The following CTNNA3 variants were observed in gnomAD, a reference collection of about 807,000 sequenced individuals.
The protein encoded by CTNNA3 is catenin alpha 3, also known as catenin alpha-3.
Under a neutral mutation model 95.7 loss-of-function variants are expected in CTNNA3, and 76 were observed. The observed-to-expected ratio is 0.79, with a 90% CI of 0.66 to 0.96. The LOEUF is 0.96. Among genes scored for constraint, CTNNA3 ranks in the 40% least tolerant of loss-of-function variants. The pLI is 0.00. For missense variants in CTNNA3, 1,191 were observed against 1,089.8 expected (o/e 1.09, Z -1.31); for synonymous variants, 431 against 374.4 (o/e 1.15, Z -1.74).
chr10:66,967,489 T>C (rs1183759229), intron 7 of CTNNA3, among the ~76,000 whole-genome samples: 1 of 151,922 alleles, frequency 6.6e-6, no homozygotes, highest in Admixed American at 6.6e-5. Flanking sequence ...GTTAACTGCA[T>C]TGGAAAATGA....
chr10:67,589,751 G>T (rs2133343429), intron 3 of CTNNA3, among the ~76,000 whole-genome samples: 1 of 152,178 alleles, frequency 6.6e-6, no homozygotes, highest in Middle Eastern at 3.4e-3. Flanking sequence ...CTAAAACCTG[G>T]ATAACTGAGA....
chr10:67,738,005 G>A (rs1215774586), intron 1 of CTNNA3, among the ~76,000 whole-genome samples: 1 of 152,188 alleles, frequency 6.6e-6, no homozygotes, highest in Non-Finnish European at 1.5e-5. Flanking sequence ...AGTAGGAGCA[G>A]GCTGCTATCT....
chr10:67,754,339 C>T (rs767878210), intron 1 of CTNNA3, among the ~76,000 whole-genome samples: 1 of 152,084 alleles, frequency 6.6e-6, no homozygotes, highest in Non-Finnish European at 1.5e-5. Context: ...TCAGGATAAA[C>T]AGCTAATGCA....
chr10:66,522,152 C>T lies in CTNNA3; in HGVS notation c.1375-1379G>A, dbSNP rs188054622. Among the ~76,000 whole-genome samples, 30 of 152,176 alleles carry T rather than the reference C, an allele frequency of 2.0e-4. No homozygotes were observed. The East Asian group carries it at 5.6e-3, about 28-fold the overall frequency. On this transcript the variant is annotated intron_variant, in intron 10 of 17. Coordinates refer to ENST00000433211, the MANE Select transcript of CTNNA3 (RefSeq NM_013266.4). The stretch of plus-strand genomic sequence containing the variant: ...GGGCTGCTTCTGTGAGCTTCATCTT[C>T]AACATCATCTCATCTCTTGTTAAAA...
At chr10:67,692,221 C>G (rs938564758) in intron 1 of CTNNA3, among the ~76,000 whole-genome samples, 3 of 150,712 alleles carry the variant, frequency 2.0e-5, no homozygotes, top group Non-Finnish European at 4.4e-5. Context: ...GCCCGGCCAC[C>G]ACCCCGTCTG....
rs972650695 is a variant in CTNNA3, at chr10:66,418,967, A to G, written c.1532-39615T>C. On this transcript the variant is annotated intron_variant, in intron 11 of 17. Coordinates refer to ENST00000433211, the MANE Select transcript of CTNNA3 (RefSeq NM_013266.4). ...GGCCTTTTCTCTAAGAACTGGAACA[A>G]GACAAGGATATGTACTTCCACCATT... is the stretch of plus-strand genomic sequence containing the variant. Among the ~76,000 whole-genome samples, 9 of 152,272 alleles carry G rather than the reference A, an allele frequency of 5.9e-5. No homozygotes were observed. The South Asian group carries it at 1.9e-3, about 32-fold the overall frequency.
chr10:66,431,676 T>C (rs2093297081), intron 11 of CTNNA3, among the ~76,000 whole-genome samples: 1 of 144,800 alleles, frequency 6.9e-6, no homozygotes, highest in African/African-American at 2.6e-5. Flanking sequence ...ATTTTCTCAC[T>C]CACAGGTGGG....
intron 7 of CTNNA3, among the ~76,000 whole-genome samples, chr10:67,051,472 T>G (rs1273022416): frequency 1.3e-5 from 2 of 151,744 alleles, no homozygotes; most frequent in African/African-American, 4.8e-5. Flanking sequence ...TCTTTTTTTT[T>G]TTTTGGTGAC....
chr10:66,656,718 C>T (rs1352323955), intron 9 of CTNNA3, among the ~76,000 whole-genome samples: 4 of 152,020 alleles, frequency 2.6e-5, no homozygotes, highest in African/African-American at 9.7e-5. Context: ...ACAGATAAGA[C>T]ATAATGCTTT....
In CTNNA3 at chr10:66,679,071, T is replaced by A. The variant is rs181874001; in HGVS notation, c.1282-57287A>T. Among the ~76,000 whole-genome samples, 476 of 152,294 alleles carry A rather than the reference T, an allele frequency of 3.1e-3. 3 individuals carry two copies. The highest frequency in any genetic ancestry group is 5.1e-3 in the Non-Finnish European group (346 of 68,022). On this transcript the variant is annotated intron_variant, in intron 9 of 17. Transcript: ENST00000433211. ...TGGTCAATGTTTTGTTTTTAAAAGA[T>A]CACTCTAGCAGCATGATGTAGGATA... is the stretch of plus-strand genomic sequence containing the variant.
chr10:67,486,527 T>C (rs927577601), intron 5 of CTNNA3, among the ~76,000 whole-genome samples: 1 of 152,180 alleles, frequency 6.6e-6, no homozygotes, highest in South Asian at 2.1e-4. Context: ...TTCCCTACCA[T>C]ACTTTGGTAG....
chr10:67,461,731 C>T (rs1785218813), intron 5 of CTNNA3, among the ~76,000 whole-genome samples: 1 of 152,174 alleles, frequency 6.6e-6, no homozygotes, highest in South Asian at 2.1e-4. Flanking sequence ...AGTCAATTAA[C>T]CTCCAGGCTT....
At chr10:67,143,095 T>C (rs1860662154) in intron 7 of CTNNA3, among the ~76,000 whole-genome samples, 1 of 151,522 alleles carries the variant, frequency 6.6e-6, no homozygotes, top group Non-Finnish European at 1.5e-5. Context: ...TTTTTGAAAA[T>C]GAAACAACAA....
At chr10:67,033,085 C>T (rs1303102718) in intron 7 of CTNNA3, among the ~76,000 whole-genome samples, 1 of 152,098 alleles carries the variant, frequency 6.6e-6, no homozygotes, top group Non-Finnish European at 1.5e-5. Context: ...ATTTTGGAAA[C>T]TCGAAATTCT....
chr10:67,365,391 A>C (rs1025304234), intron 5 of CTNNA3, among the ~76,000 whole-genome samples: 1 of 152,206 alleles, frequency 6.6e-6, no homozygotes, highest in Admixed American at 6.5e-5. Context: ...TAATTAAACT[A>C]AAGAGCTTCT....
At chr10:66,152,194 A>G (rs2084238890) in intron 13 of CTNNA3, among the ~76,000 whole-genome samples, 1 of 152,000 alleles carries the variant, frequency 6.6e-6, no homozygotes, top group Non-Finnish European at 1.5e-5. Context: ...ACAGCAGAAG[A>G]TGTTTTCAAG....
At chr10:66,928,052 C>T (rs771345571) in intron 7 of CTNNA3, 1 of 1,614,092 alleles carries the variant, frequency 6.2e-7, no homozygotes, top group Non-Finnish European at 8.5e-7. Flanking sequence ...CCAAAGCCGA[C>T]GTTTAAGCCC....
At chr10:66,288,250 A>G (rs898941425) in intron 12 of CTNNA3, among the ~76,000 whole-genome samples, 2 of 152,126 alleles carry the variant, frequency 1.3e-5, no homozygotes, top group Non-Finnish European at 2.9e-5. Flanking sequence ...AAGACTTGTT[A>G]TATACAAGGA....
At chr10:66,400,612 G>A (rs2093012938) in intron 11 of CTNNA3, among the ~76,000 whole-genome samples, 1 of 151,972 alleles carries the variant, frequency 6.6e-6, no homozygotes, top group Non-Finnish European at 1.5e-5. Context: ...TTCTATAACT[G>A]CATGTCATAG....
Sources: gnomAD v4.1 joint callset for allele counts (sites outside exome capture counted in the v4.1 genomes callset) on GRCh38, gnomAD v4.1.1 for gene constraint, MANE v1.5 for transcripts, NCBI Gene and HGNC (gene_info 2026-07-23, HGNC 2026-07-21) for gene names.